Variants in TCF7L2 observed in about 807,000 individuals in gnomAD.
The protein encoded by TCF7L2 is transcription factor 7 like 2.
TCF7L2 carries 23 observed loss-of-function variants against 77.9 expected under a neutral mutation model. The observed-to-expected ratio is 0.30, with a 90% CI of 0.21 to 0.42. The LOEUF (loss-of-function observed/expected upper bound fraction) is 0.42. TCF7L2 is among the 10% of genes least tolerant of loss of function. The probability of loss-of-function intolerance (pLI) is 1.00; values close to 1 mark genes in which losing one functional copy is unlikely to be tolerated. For missense variants in TCF7L2, 654 were observed against 793.1 expected, an observed-to-expected ratio of 0.82 and a Z score of 2.11; for synonymous variants, 413 against 340.2, an observed-to-expected ratio of 1.21 and a Z score of -2.36.
intron 4 of TCF7L2, among the ~76,000 whole-genome samples, chr10:112,991,525 A>G (rs143581935): frequency 2.0e-5 from 3 of 147,086 alleles, no homozygotes; most frequent in African/African-American, 8.1e-5. Context: ...AAAAGAAAGA[A>G]AAAAAAAGAA....
Position 113,151,904 on chromosome 10 carries a change from G to C in TCF7L2, c.1161+20G>C. On this transcript the variant is annotated intron_variant, in intron 10 of 13. Transcript: ENST00000627217. This position sits in a 1 kb window ranked among gnomAD's most constrained non-coding sequence, Gnocchi z 5.2. ...CGGAGGGTAGGTGACGCCCTTCTCAGGGAGAAGCGGGGGGCGGGTGGTGAG... is the reference window on the plus strand; with the variant it reads ...CGGAGGGTAGGTGACGCCCTTCTCACGGAGAAGCGGGGGGCGGGTGGTGAG... The C allele has an allele frequency of 6.3e-7, 1 of 1,585,448 alleles. No individual in the cohort carries two copies. The highest frequency in any genetic ancestry group is 8.5e-7 in the Non-Finnish European group (1 of 1,170,446).
chr10:113,140,235 G>A (rs911902093), intron 5 of TCF7L2, among the ~76,000 whole-genome samples: 42 of 152,116 alleles, frequency 2.8e-4, no homozygotes, highest in African/African-American at 8.2e-4. Flanking sequence ...ACAGAGTAGT[G>A]GAGTGGGGAG....
At chr10:113,119,502 A>G (rs1399055531) in intron 5 of TCF7L2, among the ~76,000 whole-genome samples, 1 of 152,176 alleles carries the variant, frequency 6.6e-6, no homozygotes, top group Non-Finnish European at 1.5e-5. Flanking sequence ...GTTATGTGCA[A>G]TAAAGCCGAA....
At chr10:113,163,662 C>G (rs1343575080) in intron 13 of TCF7L2, among the ~76,000 whole-genome samples, 2 of 152,006 alleles carry the variant, frequency 1.3e-5, no homozygotes, top group African/African-American at 2.4e-5. Flanking sequence ...TACTCTCTCC[C>G]AGGGAGAAAA....
At chr10:112,969,174 G>A (rs1167187731) in intron 4 of TCF7L2, among the ~76,000 whole-genome samples, 1 of 152,036 alleles carries the variant, frequency 6.6e-6, no homozygotes, top group Non-Finnish European at 1.5e-5. Flanking sequence ...TGAAAAGTCT[G>A]TTAGTTTTAT....
chr10:112,958,248 C>T (rs186794967), intron 3 of TCF7L2, among the ~76,000 whole-genome samples: 5 of 152,178 alleles, frequency 3.3e-5, no homozygotes, highest in Admixed American at 2.6e-4. Flanking sequence ...GGTCGGTCTA[C>T]GGAGGAAGGA....
At chr10:112,952,785 G>T (rs567729587) in intron 3 of TCF7L2, among the ~76,000 whole-genome samples, 1 of 152,200 alleles carries the variant, frequency 6.6e-6, no homozygotes, top group South Asian at 2.1e-4. Context: ...TCGGTCCCGC[G>T]CCCAACCCTG....
chr10:113,111,717 AGGAGGT>A (rs745784600), intron 5 of TCF7L2, among the ~76,000 whole-genome samples: 24 of 152,184 alleles, frequency 1.6e-4, no homozygotes, highest in Non-Finnish European at 2.9e-4. Flanking sequence ...ACCTGAGTCC[AGGAGGT>A]GGAGGCTGTA....
intron 5 of TCF7L2, among the ~76,000 whole-genome samples, chr10:113,051,419 A>T (rs1201042719): frequency 6.6e-6 from 1 of 152,224 alleles, no homozygotes; most frequent in Non-Finnish European, 1.5e-5. Context: ...TTACAACCAA[A>T]GGAATTCTAA....
At chr10:112,994,967 G>A (rs992218904) in intron 4 of TCF7L2, among the ~76,000 whole-genome samples, 1 of 152,152 alleles carries the variant, frequency 6.6e-6, no homozygotes, top group African/African-American at 2.4e-5. Flanking sequence ...AGGCCTGGTG[G>A]TGGGCGCCTG....
At chr10:113,050,239 C>G (rs1720998188) in intron 5 of TCF7L2, among the ~76,000 whole-genome samples, 2 of 152,184 alleles carry the variant, frequency 1.3e-5, no homozygotes, top group African/African-American at 4.8e-5. Context: ...AGGGCACAAG[C>G]TGCTTGTTTC....
At chr10:113,129,656 T>C in intron 5 of TCF7L2, 1 of 1,187,684 alleles carries the variant, frequency 8.4e-7, no homozygotes, top group Non-Finnish European at 1.1e-6. Flanking sequence ...ATTTTGAGCC[T>C]ACTCGGCCAG....
intron 4 of TCF7L2, among the ~76,000 whole-genome samples, chr10:112,992,046 A>T (rs1190275464): frequency 6.6e-6 from 1 of 152,208 alleles, no homozygotes; most frequent in Non-Finnish European, 1.5e-5. Flanking sequence ...ATTGGCTACA[A>T]AGCATGTCTG....
At chr10:113,027,203 C>T (rs1322473202) in intron 4 of TCF7L2, among the ~76,000 whole-genome samples, 1 of 152,144 alleles carries the variant, frequency 6.6e-6, no homozygotes, top group Non-Finnish European at 1.5e-5. Context: ...ATTTATATTT[C>T]TTCAGCACTT....
chr10:113,026,211 G>T (rs1010057026), intron 4 of TCF7L2, among the ~76,000 whole-genome samples: 1 of 151,222 alleles, frequency 6.6e-6, no homozygotes, highest in Non-Finnish European at 1.5e-5. Context: ...AGTGCAAGTG[G>T]CACAGTCTCG....
At chr10:112,957,182 AC>A (rs1237086896) in intron 3 of TCF7L2, among the ~76,000 whole-genome samples, 34 of 65,304 alleles carry the variant, frequency 5.2e-4, no homozygotes, top group Admixed American at 2.6e-3. Flanking sequence ...TCCCCCCAAC[AC>A]CCCCACCTTT....
At chr10:113,157,976 A>G (rs370913367) in intron 11 of TCF7L2, 45 bp from the exon 12 acceptor site, 178 of 1,554,734 alleles carry the variant, frequency 1.1e-4, no homozygotes, top group Admixed American at 1.9e-4. Context: ...CTCTTCTCAC[A>G]TCTGTTTCTT....
chr10:113,161,445 C>G, intron 13 of TCF7L2: 1 of 939,228 alleles, frequency 1.1e-6, no homozygotes, highest in Non-Finnish European at 1.6e-6. Flanking sequence ...AGGTCTCCAT[C>G]CAGCCTGCAT....
intron 5 of TCF7L2, among the ~76,000 whole-genome samples, chr10:113,111,796 TAAATA>T (rs776315713): frequency 4.5e-4 from 53 of 118,046 alleles, no homozygotes; most frequent in South Asian, 1.3e-3. Context: ...TTTCTTTAAA[TAAATA>T]AAATAAATAA....
Sources: allele counts gnomAD v4.1 joint callset (sites outside exome capture counted in the v4.1 genomes callset), GRCh38; gene constraint gnomAD v4.1.1; non-coding constraint Gnocchi (gnomAD v3.1); transcripts MANE v1.5; gene names NCBI Gene and HGNC (gene_info 2026-07-23, HGNC 2026-07-21).